Variants in SCN9A observed in about 807,000 individuals in gnomAD.
SCN9A encodes the protein sodium channel protein type 9 subunit alpha.
A neutral mutation model predicts 187.0 loss-of-function variants in SCN9A; 131 were observed. That is an observed-to-expected ratio of 0.70 (90% CI 0.61 to 0.81). The LOEUF (loss-of-function observed/expected upper bound fraction) is 0.81, where lower values mean the gene tolerates loss of function less well. Ranked by LOEUF, SCN9A falls within the 30% of genes least tolerant of loss-of-function variation. The pLI is 0.00. For missense variants in SCN9A, 2,252 were observed against 2,396.6 expected, an observed-to-expected ratio of 0.94 and a Z score of 1.26; for synonymous variants, 809 against 808.6, an observed-to-expected ratio of 1.00 and a Z score of -0.01.
chr2:166,340,586 CTTT>C (rs1353562073), intron 1 of SCN9A, among the ~76,000 whole-genome samples: 961 of 62,310 alleles, frequency 0.015, 37 homozygotes, highest in African/African-American at 0.056. Flanking sequence ...TTCTTTCTTT[CTTT>C]CTTTCTTTCT....
chr2:166,242,447 A>AT, intron 19 of SCN9A, 55 bp downstream of exon 19: 2 of 1,366,644 alleles, frequency 1.5e-6, no homozygotes, highest in Non-Finnish European at 2.0e-6. Context: ...CTTTTAGCTC[A>AT]TTTTAAAGAA....
At chr2:166,262,918 A>T (rs552827632) in intron 17 of SCN9A, among the ~76,000 whole-genome samples, 1 of 152,038 alleles carries the variant, frequency 6.6e-6, no homozygotes. Flanking sequence ...TTCTGTCATG[A>T]AGTAGATGCT....
intron 13 of SCN9A, among the ~76,000 whole-genome samples, chr2:166,281,069 C>T (rs1471805471): frequency 3.9e-5 from 6 of 152,100 alleles, no homozygotes; most frequent in Non-Finnish European, 7.4e-5. Flanking sequence ...ATGGAGGACT[C>T]ATGAAATAGA....
At chr2:166,239,786 A>G (rs1695486252) in intron 19 of SCN9A, among the ~76,000 whole-genome samples, 1 of 152,314 alleles carries the variant, frequency 6.6e-6, no homozygotes, top group African/African-American at 2.4e-5. Flanking sequence ...ACTGGTGTAC[A>G]GGGTCAGAGC....
intron 1 of SCN9A, among the ~76,000 whole-genome samples, chr2:166,344,761 A>G (rs1172147297): frequency 3.3e-5 from 5 of 152,192 alleles, no homozygotes; most frequent in African/African-American, 1.2e-4. Context: ...AGAAAAAACA[A>G]TCAAGATACC....
chr2:166,336,233 A>T (rs1197915574), intron 1 of SCN9A, among the ~76,000 whole-genome samples: 2 of 152,162 alleles, frequency 1.3e-5, no homozygotes, highest in African/African-American at 2.4e-5. Context: ...ATTTTGGCTA[A>T]TGTTGGCATT....
intron 1 of SCN9A, among the ~76,000 whole-genome samples, chr2:166,347,605 C>A (rs1234032502): frequency 6.6e-6 from 1 of 152,166 alleles, no homozygotes; most frequent in Non-Finnish European, 1.5e-5. Context: ...CAACTAAATG[C>A]TTTGTAATTA....
At position 166,242,517 on chromosome 2, in the gene SCN9A, G is replaced by A. The variant is rs1408476498; in HGVS notation, c.3612C>T (p.Leu1204=). The change falls in exon 19 of 27, where the codon CTC becomes CTT. Residue 1204 remains leucine, a synonymous_variant. Transcript: ENST00000642356. ...GATCATTTACCAGGGCACCACTGCT[G>A]AGCAGGATCATGAGGACAATGAAGC... The part of the protein sequence containing the change: ...FESFIVLMIL[L]SSGALAFEDI... The A allele has an allele frequency of 5.0e-6, 8 of 1,596,186 alleles. No individual in the cohort carries two copies. Among genetic ancestry groups the A allele is most frequent in the Non-Finnish European group, 8.5e-7 (1 of 1,170,846 alleles).
intron 18 of SCN9A, among the ~76,000 whole-genome samples, chr2:166,245,178 A>G (rs1325144258): frequency 1.3e-5 from 2 of 152,054 alleles, no homozygotes; most frequent in Admixed American, 1.3e-4. Flanking sequence ...TTGCCTATAC[A>G]TGCAAAAGTT....
At position 166,284,551 on chromosome 2, in the gene SCN9A, C is replaced by G. The variant is rs764566980; in HGVS notation, c.1876G>C (p.Gly626Arg). The change falls in exon 12 of 27, where the codon GGT (glycine) becomes CGT (arginine). Residue 626 changes from glycine (G) to arginine (R), a missense_variant. By Grantham distance (125) the Gly-to-Arg change is moderately radical (BLOSUM62 -2). Transcript: ENST00000642356. ...GKMHSAVDCN[G>R]VVSLVDGRSA... ...CGTCCATCAACCAGGGAGACCACAC[C>G]GTTGCAGTCCACAGCACTGTGCATT... 6.2e-7 allele frequency: 1 copy of G among 1,614,028 alleles called. No homozygotes were observed. The highest frequency in any genetic ancestry group is 1.3e-5 in the African/African-American group (1 of 74,926).
chr2:166,361,318 G>A (rs1434195382), intron 1 of SCN9A, among the ~76,000 whole-genome samples: 1 of 152,018 alleles, frequency 6.6e-6, no homozygotes, highest in Non-Finnish European at 1.5e-5. Flanking sequence ...TAATAGAAAA[G>A]CTTTTGTATT....
At chr2:166,211,162 A>C (rs1425786284) in intron 24 of SCN9A, among the ~76,000 whole-genome samples, 1 of 152,226 alleles carries the variant, frequency 6.6e-6, no homozygotes, top group Non-Finnish European at 1.5e-5. Flanking sequence ...CTGAATTGTC[A>C]TGTCCAAAAG....
intron 18 of SCN9A, among the ~76,000 whole-genome samples, chr2:166,251,168 A>G (rs1046534809): frequency 6.6e-6 from 1 of 152,122 alleles, no homozygotes; most frequent in Non-Finnish European, 1.5e-5. Context: ...AGCCACAGGC[A>G]TGCATGAAAC....
At chr2:166,234,865 G>A (rs1361023209) in intron 20 of SCN9A, among the ~76,000 whole-genome samples, 5 of 152,126 alleles carry the variant, frequency 3.3e-5, no homozygotes, top group Non-Finnish European at 5.9e-5. Flanking sequence ...AGGTGATGAG[G>A]TCATGAAGGT....
intron 1 of SCN9A, among the ~76,000 whole-genome samples, chr2:166,323,472 G>T (rs1034602238): frequency 6.6e-6 from 1 of 152,094 alleles, no homozygotes; most frequent in Non-Finnish European, 1.5e-5. Flanking sequence ...GTGGGAAGTG[G>T]GTTTCCCTAA....
At chr2:166,226,766 A>G (rs1437950515) in intron 23 of SCN9A, 62 bp from the exon 24 acceptor site, 3 of 1,328,896 alleles carry the variant, frequency 2.3e-6, no homozygotes, top group Non-Finnish European at 3.1e-6. Context: ...TCTTTTTCAC[A>G]TGGTTTGACC....
In SCN9A at chr2:166,251,816, C is replaced by G; in HGVS notation, c.3421G>C (p.Ala1141Pro). Residue 1141 changes from alanine (A) to proline (P), a missense_variant, in exon 18 of 27, where the codon GCA becomes CCA. Around this residue, in one of 7 missense-constraint regions of SCN9A, gnomAD observed 313 missense variants for 295.3 expected, o/e 1.06. Transcript: ENST00000642356. ...DNPLPGEGEE[A>P]EAEPMNSDEP... ...TCGGAATTCATAGGTTCAGCCTCTG[C>G]TTCTTCTCCTTCTCCAGGCAAAGGG... is the stretch of plus-strand genomic sequence containing the variant. 6.2e-7 allele frequency: 1 copy of G among 1,612,686 alleles called. No individual in the cohort carries two copies. The highest frequency in any genetic ancestry group is 8.5e-7 in the Non-Finnish European group (1 of 1,179,116).
intron 11 of SCN9A, among the ~76,000 whole-genome samples, chr2:166,285,309 A>G (rs898633700): frequency 3.9e-5 from 6 of 152,222 alleles, no homozygotes; most frequent in African/African-American, 1.4e-4. Context: ...CAGTTAATTT[A>G]TAAAGTCATT....
intron 1 of SCN9A, among the ~76,000 whole-genome samples, chr2:166,337,594 C>T (rs1417819785): frequency 6.6e-6 from 1 of 151,860 alleles, no homozygotes; most frequent in Non-Finnish European, 1.5e-5. Flanking sequence ...TTTAAAAGTA[C>T]CTTGGAAACA....
Sources: gnomAD v4.1 joint callset for allele counts (sites outside exome capture counted in the v4.1 genomes callset) on GRCh38, gnomAD v4.1.1 for gene constraint, gnomAD v4.1.1 regional missense constraint, MANE v1.5 for transcripts, NCBI Gene and HGNC (gene_info 2026-07-23, HGNC 2026-07-21) for gene names.